Variants in NAV2 observed in about 807,000 individuals in gnomAD.
NAV2 encodes the protein helicase, APC down-regulated 1.
In NAV2, 54 loss-of-function variants were observed where a neutral mutation model predicts 223.2. The ratio of observed to expected loss-of-function variants is 0.24; its 90% confidence interval spans 0.19 to 0.30. The LOEUF is 0.30. NAV2 is among the 10% of genes least tolerant of loss of function. The pLI is 1.00. For missense variants in NAV2, 2,806 were observed against 3,147.5 expected (o/e 0.89, Z 2.60); for synonymous variants, 1,279 against 1,239.3 (o/e 1.03, Z -0.67).
At chr11:19,374,888 A>G (rs1848591588) in intron 1 of NAV2, among the ~76,000 whole-genome samples, 1 of 152,044 alleles carries the variant, frequency 6.6e-6, no homozygotes, top group South Asian at 2.1e-4. Context: ...TTTCCCTATC[A>G]AGGCCTTGCC....
intron 1 of NAV2, among the ~76,000 whole-genome samples, chr11:19,580,169 T>C (rs1457077053): frequency 1.3e-5 from 2 of 152,074 alleles, no homozygotes; most frequent in Non-Finnish European, 2.9e-5. Context: ...CTTTGCCAGG[T>C]GGCTGTTACT....
At chr11:20,050,733 G>A (rs959857495) in intron 16 of NAV2, among the ~76,000 whole-genome samples, 5 of 152,194 alleles carry the variant, frequency 3.3e-5, no homozygotes, top group Non-Finnish European at 5.9e-5. Flanking sequence ...TCAGCTCCTA[G>A]CTATGCCTGG....
At chr11:19,427,130 A>G (rs1480222727) in intron 1 of NAV2, among the ~76,000 whole-genome samples, 1 of 152,170 alleles carries the variant, frequency 6.6e-6, no homozygotes, top group Non-Finnish European at 1.5e-5. Context: ...CTTTTCCTCC[A>G]AGGGAACCCA....
intron 1 of NAV2, among the ~76,000 whole-genome samples, chr11:19,554,677 GT>G (rs1232869769): frequency 1.3e-5 from 2 of 152,152 alleles, no homozygotes; most frequent in African/African-American, 2.4e-5. Flanking sequence ...TGGTGGTGGT[GT>G]TTTTGCCAGC....
At chr11:19,733,680 GT>G (rs955703102) in intron 1 of NAV2, among the ~76,000 whole-genome samples, 3 of 152,154 alleles carry the variant, frequency 2.0e-5, no homozygotes, top group Admixed American at 6.5e-5. Context: ...AGGAAAGAGG[GT>G]TTTTCAAGGA....
intron 1 of NAV2, among the ~76,000 whole-genome samples, chr11:19,640,780 T>C (rs928161424): frequency 1.3e-5 from 2 of 152,204 alleles, no homozygotes; most frequent in Non-Finnish European, 2.9e-5. Context: ...TCTTATCCTC[T>C]GGAGATTCTC....
chr11:19,813,257 A>G (rs1265217629), intron 1 of NAV2, among the ~76,000 whole-genome samples: 4 of 152,108 alleles, frequency 2.6e-5, no homozygotes, highest in African/African-American at 9.7e-5. Flanking sequence ...TGATTGTCAA[A>G]ACCCCACTGG....
At chr11:19,971,251 C>T (rs2251973) in intron 10 of NAV2, among the ~76,000 whole-genome samples, 16,211 of 151,822 alleles carry the variant, frequency 0.11, 1,061 homozygotes, top group African/African-American at 0.18. Context: ...ATGCGAGGGA[C>T]GGGGGTTATG....
At chr11:19,578,583 G>A (rs1466781794) in intron 1 of NAV2, among the ~76,000 whole-genome samples, 3 of 152,180 alleles carry the variant, frequency 2.0e-5, no homozygotes, top group Admixed American at 1.3e-4. Context: ...CCATGCCCTG[G>A]AGGTCAGTTC....
At chr11:19,984,998 T>G (rs894476418) in intron 11 of NAV2, among the ~76,000 whole-genome samples, 1 of 152,236 alleles carries the variant, frequency 6.6e-6, no homozygotes, top group Admixed American at 6.5e-5. Context: ...CTTAATGATC[T>G]GGCTGTTTAA....
At chr11:19,392,894 G>A (rs1289024889) in intron 1 of NAV2, among the ~76,000 whole-genome samples, 1 of 152,224 alleles carries the variant, frequency 6.6e-6, no homozygotes, top group Non-Finnish European at 1.5e-5. Flanking sequence ...TACAATTGAA[G>A]TGACTGAGAC....
chr11:19,415,115 T>C (rs1850310525), intron 1 of NAV2, among the ~76,000 whole-genome samples: 1 of 151,290 alleles, frequency 6.6e-6, no homozygotes, highest in South Asian at 2.1e-4. Context: ...ATGAAGGAGA[T>C]AGAGACACGA....
rs1555171616 is a variant in NAV2 at position 19,964,492 on chromosome 11, CT to C, written c.2645+15427del. On this transcript the variant is annotated intron_variant, in intron 10 of 37. Transcript: ENST00000349880. Reference sequence around the variant, plus strand: ...TATATACATTATCTCTTTTCATCCTCTTTTTTTTTTTTTTTATGAGACAGGA... The same window carrying C: ...TATATACATTATCTCTTTTCATCCTCTTTTTTTTTTTTTTATGAGACAGGA... 2.0e-3 allele frequency among the ~76,000 whole-genome samples: 298 copies of C among 146,576 alleles called. 2 individuals are homozygous for C. The East Asian group carries it at 0.027, about 13-fold the overall frequency.
In NAV2 at chr11:19,364,103, G is replaced by C. The variant is rs192226288; in HGVS notation, c.75+13076G>C. On this transcript the variant is annotated intron_variant, in intron 1 of 37. Coordinates refer to the NAV2 transcript ENST00000360655. The stretch of plus-strand genomic sequence containing the variant: ...TGAAAGTTCCAACCCTAATCACATA[G>C]TTGGATCCTCTGGCAGCCAGCCCCC... Among the ~76,000 whole-genome samples the C allele has an allele frequency of 1.1e-3, 166 of 152,274 alleles. 2 individuals carry two copies. Among genetic ancestry groups the C allele is most frequent in the Non-Finnish European group, 1.9e-4 (13 of 68,012 alleles).
intron 1 of NAV2, among the ~76,000 whole-genome samples, chr11:19,470,920 A>G (rs1214833563): frequency 1.3e-5 from 2 of 152,116 alleles, no homozygotes; most frequent in Non-Finnish European, 2.9e-5. Flanking sequence ...CCAAGACAGC[A>G]AGGGAGCCCA....
At chr11:19,924,310 AAC>A (rs1246601853) in intron 6 of NAV2, among the ~76,000 whole-genome samples, 223 of 152,072 alleles carry the variant, frequency 1.5e-3, no homozygotes, top group African/African-American at 4.8e-3. Flanking sequence ...AAAAAAAAAA[AAC>A]AAAAAAAAAC....
chr11:19,688,885 A>G (rs1590092708), intron 1 of NAV2, among the ~76,000 whole-genome samples: 1 of 152,294 alleles, frequency 6.6e-6, no homozygotes, highest in East Asian at 1.9e-4. Flanking sequence ...AATTATTAAT[A>G]GCATCCCCTT....
rs373382653 is a variant in NAV2 at position 19,953,858 on chromosome 11, C to CGTGTGTGTGTGT, written c.2645+4791_2645+4802dup. Among the ~76,000 whole-genome samples the CGTGTGTGTGTGT allele has an allele frequency of 6.6e-5, 10 of 150,632 alleles. No homozygotes were observed. In the South Asian group the frequency reaches 1.9e-3, roughly 29 times the overall value. On this transcript the variant is annotated intron_variant, in intron 10 of 37. Transcript: ENST00000349880. Reference sequence around the variant, plus strand: ...TGCACAAGAAATGTGCACGCGCGCGCGTGTGTGTGTGTGTGTGTGTGTGTC... The same window carrying CGTGTGTGTGTGT: ...TGCACAAGAAATGTGCACGCGCGCGCGTGTGTGTGTGTGTGTGTGTGTGTGTGTGTGTGTGTC...
chr11:19,626,827 G>A (rs1785636847), intron 1 of NAV2, among the ~76,000 whole-genome samples: 1 of 151,990 alleles, frequency 6.6e-6, no homozygotes, highest in Admixed American at 6.6e-5. Flanking sequence ...TCAAATTCTG[G>A]TTCCAACTTT....
Sources: gnomAD v4.1 joint callset for allele counts (sites outside exome capture counted in the v4.1 genomes callset) on GRCh38, gnomAD v4.1.1 for gene constraint, MANE v1.5 for transcripts, NCBI Gene and HGNC (gene_info 2026-07-23, HGNC 2026-07-21) for gene names.